Variants in TMEM132D observed in about 807,000 individuals in gnomAD.
The protein encoded by TMEM132D is mature OL transmembrane protein.
TMEM132D carries 21 observed loss-of-function variants against 62.3 expected under a neutral mutation model. The ratio of observed to expected loss-of-function variants is 0.34; its 90% CI spans 0.24 to 0.49. TMEM132D has a LOEUF of 0.49. Among genes scored for constraint, TMEM132D ranks in the 20% least tolerant of loss-of-function variants. The probability of loss-of-function intolerance (pLI) is 0.99; values close to 1 mark genes in which losing one functional copy is unlikely to be tolerated. For synonymous variants in TMEM132D, 621 were observed against 575.6 expected, an observed-to-expected ratio of 1.08 and a Z score of -1.13; for missense variants, 1,346 against 1,402.8, an observed-to-expected ratio of 0.96 and a Z score of 0.65.
At chr12:129,453,007 C>T (rs55672523) in intron 3 of TMEM132D, among the ~76,000 whole-genome samples, 17,637 of 152,168 alleles carry the variant, frequency 0.12, 1,128 homozygotes, top group South Asian at 0.2. Flanking sequence ...GGCAGGCGAG[C>T]GAGCCTTACT....
intron 8 of TMEM132D, among the ~76,000 whole-genome samples, chr12:129,077,871 GCATA>G (rs1287006336): frequency 6.3e-5 from 9 of 142,504 alleles, no homozygotes; most frequent in East Asian, 2.3e-4. Context: ...ACACACACAT[GCATA>G]CACAGACACA....
intron 3 of TMEM132D, among the ~76,000 whole-genome samples, chr12:129,472,422 G>C (rs1420346430): frequency 6.6e-6 from 1 of 152,120 alleles, no homozygotes; most frequent in African/African-American, 2.4e-5. Context: ...TCACATACTG[G>C]GGCCTGTCGT....
chr12:129,121,035 G>T (rs1451054025), intron 5 of TMEM132D, among the ~76,000 whole-genome samples: 3 of 152,058 alleles, frequency 2.0e-5, no homozygotes, highest in Admixed American at 2.0e-4. Flanking sequence ...CCAAGGAGAA[G>T]TAAGGCTGCT....
chr12:129,465,062 A>G (rs1478766407), intron 3 of TMEM132D, among the ~76,000 whole-genome samples: 1 of 152,060 alleles, frequency 6.6e-6, no homozygotes, highest in Non-Finnish European at 1.5e-5. Flanking sequence ...TACCTTGGGC[A>G]GTATGGGCAT....
At chr12:129,226,522 G>A (rs1879485122) in intron 4 of TMEM132D, among the ~76,000 whole-genome samples, 2 of 152,334 alleles carry the variant, frequency 1.3e-5, no homozygotes, top group South Asian at 4.1e-4. Flanking sequence ...CTAACCCGGG[G>A]CCTTGGAGGT....
intron 2 of TMEM132D, among the ~76,000 whole-genome samples, chr12:129,655,530 A>G (rs1880049845): frequency 6.6e-6 from 1 of 151,942 alleles, no homozygotes; most frequent in Admixed American, 6.5e-5. Flanking sequence ...TACAGGCATG[A>G]GCCACCACGC....
intron 5 of TMEM132D, among the ~76,000 whole-genome samples, chr12:129,195,442 G>A (rs1878521291): frequency 6.6e-6 from 1 of 152,062 alleles, no homozygotes; most frequent in Admixed American, 6.5e-5. Context: ...TTTGAGTGGA[G>A]AAATAATGTG....
At chr12:129,551,099 C>T (rs73435677) in intron 2 of TMEM132D, among the ~76,000 whole-genome samples, 4,483 of 152,310 alleles carry the variant, frequency 0.029, 243 homozygotes, top group African/African-American at 0.1. Context: ...AACCATTGCA[C>T]ATGTTTGGAG....
intron 4 of TMEM132D, among the ~76,000 whole-genome samples, chr12:129,244,265 A>G (rs983478684): frequency 2.0e-5 from 3 of 151,588 alleles, no homozygotes; most frequent in African/African-American, 7.3e-5. Flanking sequence ...GGGCGCCTGT[A>G]GTCCCAGCTA....
intron 4 of TMEM132D, among the ~76,000 whole-genome samples, chr12:129,265,528 G>T (rs1489952685): frequency 2.6e-5 from 4 of 152,150 alleles, no homozygotes; most frequent in Non-Finnish European, 5.9e-5. Context: ...CCATTGCCCT[G>T]GGGGTAAGCC....
intron 1 of TMEM132D, among the ~76,000 whole-genome samples, chr12:129,902,994 TTC>T (rs1875412849): frequency 6.6e-6 from 1 of 152,126 alleles, no homozygotes; most frequent in African/African-American, 2.4e-5. Context: ...GGAAACAGCC[TTC>T]CTTTCCTTTC....
chr12:129,501,855 T>A (rs1875153642), intron 3 of TMEM132D, among the ~76,000 whole-genome samples: 1 of 152,198 alleles, frequency 6.6e-6, no homozygotes, highest in South Asian at 2.1e-4. Flanking sequence ...TGAGGGCTTG[T>A]CATCATCACT....
chr12:129,588,053 C>T (rs1483126386), intron 2 of TMEM132D, among the ~76,000 whole-genome samples: 4 of 152,300 alleles, frequency 2.6e-5, no homozygotes, highest in African/African-American at 7.2e-5. Flanking sequence ...TGGCTGGTGG[C>T]CCCATATCAC....
At chr12:129,514,468 G>C (rs766604546) in intron 3 of TMEM132D, among the ~76,000 whole-genome samples, 2 of 152,122 alleles carry the variant, frequency 1.3e-5, no homozygotes, top group African/African-American at 2.4e-5. Context: ...ACATTGAAGG[G>C]CTAGATTTTT....
At chr12:129,544,622 C>T (rs1012235851) in intron 2 of TMEM132D, among the ~76,000 whole-genome samples, 8 of 152,076 alleles carry the variant, frequency 5.3e-5, no homozygotes, top group Non-Finnish European at 1.2e-4. Flanking sequence ...GCTTCATTTT[C>T]AGGAATATCC....
At chr12:129,573,990 G>A (rs1232976880) in intron 2 of TMEM132D, among the ~76,000 whole-genome samples, 2 of 151,850 alleles carry the variant, frequency 1.3e-5, no homozygotes, top group East Asian at 1.9e-4. Flanking sequence ...TATGGGGCCC[G>A]GGTGATGATC....
intron 6 of TMEM132D, among the ~76,000 whole-genome samples, chr12:129,083,308 C>A (rs1395551525): frequency 3.3e-5 from 5 of 152,198 alleles, no homozygotes; most frequent in African/African-American, 9.7e-5. Context: ...TTTGATGGCA[C>A]CTTCTCGGTC....
chr12:129,457,368 C>T (rs1476952570), intron 3 of TMEM132D, among the ~76,000 whole-genome samples: 1 of 144,274 alleles, frequency 6.9e-6, no homozygotes, highest in Non-Finnish European at 1.5e-5. Context: ...CATGTTCTCA[C>T]TCATAGGTGG....
At chr12:129,631,331 C>T (rs528564315) in intron 2 of TMEM132D, among the ~76,000 whole-genome samples, 1 of 152,238 alleles carries the variant, frequency 6.6e-6, no homozygotes, top group South Asian at 2.1e-4. Context: ...GTCGGCCTAT[C>T]TTATGAAAAA....
Sources: allele counts gnomAD v4.1 joint callset (sites outside exome capture counted in the v4.1 genomes callset), GRCh38; gene constraint gnomAD v4.1.1; transcripts MANE v1.5; gene names NCBI Gene and HGNC (gene_info 2026-07-23, HGNC 2026-07-21).